The following ZNF609 variants were observed in gnomAD, a reference collection of about 807,000 sequenced individuals.
ZNF609 encodes zinc finger protein 609.
ZNF609 carries 11 observed loss-of-function variants against 109.5 expected under a neutral mutation model. That is an observed-to-expected ratio of 0.10 (90% CI 0.06 to 0.17). The LOEUF (loss-of-function observed/expected upper bound fraction) is 0.17, where lower values mean the gene tolerates loss of function less well. ZNF609 is among the 10% of genes least tolerant of loss of function. ZNF609 has a pLI of 1.00. For synonymous variants in ZNF609, 646 were observed against 662.0 expected, an observed-to-expected ratio of 0.98 and a Z score of 0.37; for missense variants, 1,559 against 1,772.4, an observed-to-expected ratio of 0.88 and a Z score of 2.16.
rs762068395 is a variant in ZNF609, at chr15:64,676,061, G to A, written c.3207G>A (p.Glu1069=). The change falls in exon 5 of 10, where the codon GAG becomes GAA. Residue 1069 remains glutamate, a synonymous_variant. Transcript: ENST00000326648. ...LVKSGPGKAK[E]PGADPAKSVI... is the part of the protein sequence containing the mutation. ...AATCAGGACCTGGCAAGGCCAAGGA[G>A]CCAGGGGCTGACCCAGCCAAATCAG... The A allele has an allele frequency of 6.2e-7, 1 of 1,614,126 alleles. No homozygotes were observed. The highest frequency in any genetic ancestry group is 8.5e-7 in the Non-Finnish European group (1 of 1,180,050).
Position 64,682,343 on chromosome 15 carries a change from A to G in ZNF609, c.*657A>G, listed in dbSNP as rs893181732. 6.5e-6 allele frequency: 1 copy of G among 152,684 alleles called. No individual in the cohort carries two copies. The highest frequency in any genetic ancestry group is 1.5e-5 in the Non-Finnish European group (1 of 68,040). 9.5% of individuals were successfully genotyped at this position (152,684 alleles called of 1,614,324 possible). A position where few individuals can be genotyped will look rare whatever the true frequency, so the allele number is the denominator to read the frequency against. Reference sequence around the variant, plus strand: ...CGCTCACAACCTAGCCTGGAAAGGAAGACCAAGGCATCTGCCCCAACATGG... The same window carrying G: ...CGCTCACAACCTAGCCTGGAAAGGAGGACCAAGGCATCTGCCCCAACATGG... On this transcript the variant is annotated 3_prime_UTR_variant, in exon 10 of 10. Transcript: ENST00000326648.
chr15:64,555,311 G>A (rs1217002230), intron 2 of ZNF609, among the ~76,000 whole-genome samples: 3 of 152,156 alleles, frequency 2.0e-5, no homozygotes, highest in Non-Finnish European at 4.4e-5. Context: ...AGGCTGTAGT[G>A]AGCCGAGATC....
intron 2 of ZNF609, among the ~76,000 whole-genome samples, chr15:64,543,504 C>T (rs1305636723): frequency 8.7e-5 from 13 of 149,670 alleles, no homozygotes; most frequent in African/African-American, 7.4e-5. Context: ...AGTGCAGTGG[C>T]GTGATCTCGG....
At chr15:64,657,215 G>T (rs1448742239) in intron 3 of ZNF609, among the ~76,000 whole-genome samples, 3 of 149,020 alleles carry the variant, frequency 2.0e-5, no homozygotes, top group Non-Finnish European at 4.4e-5. Context: ...AGCCAAGATC[G>T]CACCACTGCA....
chr15:64,655,810 C>T (rs1445060373), intron 3 of ZNF609, among the ~76,000 whole-genome samples: 2 of 151,858 alleles, frequency 1.3e-5, no homozygotes, highest in Non-Finnish European at 1.5e-5. Context: ...GCCTGGGCAA[C>T]GAGAGAAACT....
At chr15:64,609,064 T>TTTTCTC (rs1555422616) in intron 2 of ZNF609, among the ~76,000 whole-genome samples, 7 of 119,134 alleles carry the variant, frequency 5.9e-5, no homozygotes, top group African/African-American at 2.0e-4. Context: ...TAGTTTTAAT[T>TTTTCTC]TTTCTTTCTT....
At chr15:64,512,775 C>A (rs1203600816) in intron 2 of ZNF609, among the ~76,000 whole-genome samples, 3 of 151,802 alleles carry the variant, frequency 2.0e-5, no homozygotes, top group Non-Finnish European at 4.4e-5. Flanking sequence ...AATTAGAATG[C>A]TAATTGTTAT....
chr15:64,655,044 C>G (rs939879406), intron 3 of ZNF609, among the ~76,000 whole-genome samples: 1 of 147,888 alleles, frequency 6.8e-6, no homozygotes, highest in Non-Finnish European at 1.5e-5. Context: ...TGCAGTGAAC[C>G]GAGATTATGC....
At chr15:64,461,088 GAGGGTAGGGGTGCCCGGGAGGGGATT>G (rs1434188542) in intron 1 of ZNF609, among the ~76,000 whole-genome samples, 7 of 150,750 alleles carry the variant, frequency 4.6e-5, no homozygotes, top group African/African-American at 1.5e-4. Flanking sequence ...GGTTCAGGCT[GAGGGTAGGGGTGCCCGGGAGGGGATT>G]AGGGTCTGGC....
intron 8 of ZNF609, 120 bp downstream of exon 8, chr15:64,680,982 T>C: frequency 5.2e-6 from 3 of 574,162 alleles, no homozygotes; most frequent in Non-Finnish European, 4.9e-6. Flanking sequence ...CCTTTTTTAA[T>C]TTTTTTTTTT....
At chr15:64,477,513 GA>G (rs1893190740) in intron 1 of ZNF609, among the ~76,000 whole-genome samples, 1 of 151,716 alleles carries the variant, frequency 6.6e-6, no homozygotes, top group African/African-American at 2.4e-5. Context: ...CTCCTTTCAT[GA>G]AGCTGATAGG....
intron 2 of ZNF609, among the ~76,000 whole-genome samples, chr15:64,540,249 T>G (rs573077355): frequency 2.9e-4 from 44 of 152,198 alleles, no homozygotes; most frequent in African/African-American, 1.0e-3. Flanking sequence ...GGGAGAGAGA[T>G]GTGGGGAGGC....
intron 2 of ZNF609, among the ~76,000 whole-genome samples, chr15:64,531,457 C>G (rs921852343): frequency 6.6e-6 from 1 of 152,100 alleles, no homozygotes; most frequent in Non-Finnish European, 1.5e-5. Context: ...AGTGCAGTGG[C>G]GACAATCATG....
At chr15:64,591,675 T>C (rs1895300213) in intron 2 of ZNF609, among the ~76,000 whole-genome samples, 1 of 151,858 alleles carries the variant, frequency 6.6e-6, no homozygotes, top group Non-Finnish European at 1.5e-5. Context: ...GCCCATGAGA[T>C]TGAGAACAGC....
chr15:64,568,211 C>A (rs1348425215), intron 2 of ZNF609, among the ~76,000 whole-genome samples: 1 of 152,054 alleles, frequency 6.6e-6, no homozygotes, highest in Non-Finnish European at 1.5e-5. Context: ...AACTGTAATA[C>A]CATTATTATA....
chr15:64,673,779 A>G (rs1896768355), intron 4 of ZNF609, 137 bp from the exon 5 acceptor site: 1 of 1,020,328 alleles, frequency 9.8e-7, no homozygotes, highest in South Asian at 1.8e-5. Flanking sequence ...GCAATTCACA[A>G]TCAGAATTTC....
At chr15:64,602,185 C>T (rs1895508221) in intron 2 of ZNF609, among the ~76,000 whole-genome samples, 1 of 152,144 alleles carries the variant, frequency 6.6e-6, no homozygotes, top group South Asian at 2.1e-4. Context: ...ACTAGAACTT[C>T]TTGCTAAGTT....
chr15:64,474,713 A>G (rs376752615), intron 1 of ZNF609, among the ~76,000 whole-genome samples: 2 of 152,172 alleles, frequency 1.3e-5, no homozygotes, highest in South Asian at 4.1e-4. Flanking sequence ...AGTGGGAGAG[A>G]CAATTAATGA....
At chr15:64,609,551 C>G (rs930378301) in intron 2 of ZNF609, among the ~76,000 whole-genome samples, 12 of 151,156 alleles carry the variant, frequency 7.9e-5, no homozygotes, top group Admixed American at 1.3e-4. Flanking sequence ...CTCAGGTGAT[C>G]CACCCGCCTT....
Sources: gnomAD v4.1 joint callset for allele counts (sites outside exome capture counted in the v4.1 genomes callset) on GRCh38, gnomAD v4.1.1 for gene constraint, MANE v1.5 for transcripts, NCBI Gene and HGNC (gene_info 2026-07-23, HGNC 2026-07-21) for gene names.